The following FGF14 variants were observed in gnomAD, a reference collection of about 807,000 sequenced individuals.
The protein encoded by FGF14 is fibroblast growth factor homologous factor 4.
In FGF14, 5 loss-of-function variants were observed where a neutral mutation model predicts 25.5. That is an observed-to-expected ratio of 0.20 (90% confidence interval 0.10 to 0.41). FGF14 has a LOEUF of 0.41. FGF14 is among the 10% of genes least tolerant of loss of function. FGF14 has a pLI of 1.00. For synonymous variants in FGF14, 138 were observed against 118.3 expected, an observed-to-expected ratio of 1.17 and a Z score of -1.08; for missense variants, 222 against 320.1, an observed-to-expected ratio of 0.69 and a Z score of 2.34.
At chr13:102,399,048 A>G (rs2058643626) in intron 1 of FGF14, among the ~76,000 whole-genome samples, 1 of 152,050 alleles carries the variant, frequency 6.6e-6, no homozygotes, top group African/African-American at 2.4e-5. Flanking sequence ...TTTAGCATTC[A>G]TAAGCTGCAA....
intron 1 of FGF14, among the ~76,000 whole-genome samples, chr13:102,224,833 C>T (rs1031029497): frequency 6.6e-6 from 1 of 152,128 alleles, no homozygotes; most frequent in Non-Finnish European, 1.5e-5. Flanking sequence ...TTAAAAGATG[C>T]CTCGAGGAGG....
chr13:101,910,305 T>C (rs2032782574), intron 1 of FGF14, among the ~76,000 whole-genome samples: 1 of 152,184 alleles, frequency 6.6e-6, no homozygotes, highest in Admixed American at 6.5e-5. Flanking sequence ...TATCCAATTA[T>C]AGCCATTGCT....
chr13:101,732,997 A>G (rs759587962), intron 3 of FGF14, among the ~76,000 whole-genome samples: 24 of 152,150 alleles, frequency 1.6e-4, no homozygotes, highest in Non-Finnish European at 3.5e-4. Flanking sequence ...TGTATCCTTT[A>G]ATGCTACTAT....
chr13:102,172,812 T>A (rs950263203), intron 1 of FGF14, among the ~76,000 whole-genome samples: 1 of 152,164 alleles, frequency 6.6e-6, no homozygotes, highest in Non-Finnish European at 1.5e-5. Flanking sequence ...CTTGCTAATA[T>A]GGGACAGAAT....
At chr13:102,124,417 G>A (rs1455113112) in intron 1 of FGF14, among the ~76,000 whole-genome samples, 1 of 152,060 alleles carries the variant, frequency 6.6e-6, no homozygotes, top group Admixed American at 6.6e-5. Flanking sequence ...TAGCCATAGT[G>A]GGGTTCTGTT....
At chr13:101,972,023 C>T (rs2037627140) in intron 1 of FGF14, among the ~76,000 whole-genome samples, 1 of 152,200 alleles carries the variant, frequency 6.6e-6, no homozygotes, top group African/African-American at 2.4e-5. Flanking sequence ...GGGGGAATGA[C>T]TTTTAAACAT....
intron 1 of FGF14, among the ~76,000 whole-genome samples, chr13:102,077,441 A>G (rs1469109724): frequency 6.6e-6 from 1 of 152,204 alleles, no homozygotes; most frequent in African/African-American, 2.4e-5. Context: ...CATATACCTC[A>G]GTAGTAACAA....
intron 1 of FGF14, among the ~76,000 whole-genome samples, chr13:102,053,411 TAAC>T (rs1389962296): frequency 6.6e-6 from 1 of 151,860 alleles, no homozygotes; most frequent in East Asian, 1.9e-4. Context: ...TTATTTCAAA[TAAC>T]AAAAGAAAAT....
At chr13:101,778,651 C>T (rs1367079883) in intron 3 of FGF14, among the ~76,000 whole-genome samples, 2 of 152,222 alleles carry the variant, frequency 1.3e-5, no homozygotes, top group Non-Finnish European at 2.9e-5. Flanking sequence ...AGGTTCTGCC[C>T]CACCTGGCTC....
Position 101,714,579 on chromosome 13 carries a change from C to T in FGF14, c.*8252G>A. 7.6e-7 allele frequency: 1 copy of T among 1,313,516 alleles called. No homozygotes were observed. Among genetic ancestry groups the T allele is most frequent in the Non-Finnish European group, 1.1e-6 (1 of 906,616 alleles). 81.4% of individuals were successfully genotyped at this position (1,313,516 alleles called of 1,614,324 possible). The stretch of plus-strand genomic sequence containing the variant: ...GCAGTATTAACCTTTTCTAATTGCT[C>T]TATGCCACAGTTTGTTATAGAGCCA... On this transcript the variant is annotated 3_prime_UTR_variant, in exon 5 of 5. Transcript: ENST00000376143.
intron 1 of FGF14, among the ~76,000 whole-genome samples, chr13:102,218,914 G>A (rs1163525594): frequency 6.6e-6 from 1 of 151,732 alleles, no homozygotes; most frequent in Non-Finnish European, 1.5e-5. Flanking sequence ...TATTCAAATT[G>A]TCCTTTTTAT....
chr13:101,717,343 C>T lies in FGF14; in HGVS notation c.*5488G>A, dbSNP rs2139631398. The T allele has an allele frequency of 1.3e-5, 2 of 152,086 alleles. No individual in the cohort carries two copies. Among genetic ancestry groups the T allele is most frequent in the South Asian group, 2.1e-4 (1 of 4,818 alleles). The allele number at this position is 152,086 out of a possible 1,614,324, so 9.4% of individuals were successfully genotyped here. On this transcript the variant is annotated 3_prime_UTR_variant, in exon 5 of 5. Coordinates refer to ENST00000376143, the MANE Select transcript of FGF14 (RefSeq NM_004115.4). ...CTATCCTGAGATTAAGGAGTGCAAC[C>T]ATGTTGTAGTTCTATTATTGAGTAC...
chr13:101,802,446 GAA>G, intron 3 of FGF14: 1 of 190,796 alleles, frequency 5.2e-6, no homozygotes, highest in Admixed American at 5.6e-5. Context: ...GGAGGAGGAT[GAA>G]AAAAAAACTG....
chr13:102,186,201 T>C (rs765064586), intron 1 of FGF14, among the ~76,000 whole-genome samples: 2 of 152,166 alleles, frequency 1.3e-5, no homozygotes, highest in East Asian at 1.9e-4. Context: ...TTGCCACTTA[T>C]AAGCGCAGCA....
chr13:102,340,440 T>TAC (rs139037869), intron 1 of FGF14, among the ~76,000 whole-genome samples: 2,090 of 148,660 alleles, frequency 0.014, 32 homozygotes, highest in South Asian at 0.052. Context: ...TACAAACACA[T>TAC]ACACACACAC....
At chr13:101,800,887 C>A (rs2040833907) in intron 3 of FGF14, among the ~76,000 whole-genome samples, 1 of 152,014 alleles carries the variant, frequency 6.6e-6, no homozygotes, top group Non-Finnish European at 1.5e-5. Context: ...AGGTGATCGT[C>A]CAGATTTCAG....
At chr13:102,133,161 G>C (rs1011263908) in intron 1 of FGF14, among the ~76,000 whole-genome samples, 1 of 152,186 alleles carries the variant, frequency 6.6e-6, no homozygotes, top group African/African-American at 2.4e-5. Context: ...TAATGGAATA[G>C]CTATTGTGAA....
rs565459121 is a variant in FGF14 at position 101,973,705 on chromosome 13, G to A, written c.209-98409C>T. ...TTCTGCCTTCTTATATTCTAGCCGT[G>A]CTGGCAGCTGATGAGATGGTGCCCT... On this transcript the variant is annotated intron_variant, in intron 1 of 4. Coordinates refer to the FGF14 transcript ENST00000376131. Among the ~76,000 whole-genome samples, 8 of 152,278 alleles carry A rather than the reference G, an allele frequency of 5.3e-5. No homozygotes were observed. The South Asian group carries it at 8.3e-4, about 16-fold the overall frequency.
At position 102,217,593 on chromosome 13, in the gene FGF14, C is replaced by A. The variant is rs534285813; in HGVS notation, c.208+183878G>T. ...TTATTAATGGGGATCAAATAAAAGCCCACTCTGTGTAATTAAATTGGAATT... is the reference window on the plus strand; with the variant it reads ...TTATTAATGGGGATCAAATAAAAGCACACTCTGTGTAATTAAATTGGAATT... On this transcript the variant is annotated intron_variant, in intron 1 of 4. Coordinates refer to the FGF14 transcript ENST00000376131. 1.0e-3 allele frequency among the ~76,000 whole-genome samples: 159 copies of A among 152,164 alleles called. 1 individual carries two copies. The highest frequency in any genetic ancestry group is 1.9e-3 in the Non-Finnish European group (129 of 68,010).
Sources: gnomAD v4.1 joint callset for allele counts (sites outside exome capture counted in the v4.1 genomes callset) on GRCh38, gnomAD v4.1.1 for gene constraint, MANE v1.5 for transcripts, NCBI Gene and HGNC (gene_info 2026-07-23, HGNC 2026-07-21) for gene names.